The following PRKG1 variants were observed in gnomAD, a reference collection of about 807,000 sequenced individuals.
PRKG1 encodes cGMP-dependent protein kinase 1.
PRKG1 carries 35 observed loss-of-function variants against 88.1 expected under a neutral mutation model. The observed-to-expected ratio is 0.40, with a 90% CI of 0.30 to 0.53. The LOEUF (loss-of-function observed/expected upper bound fraction) is 0.53. Ranked by LOEUF, PRKG1 falls within the 20% of genes least tolerant of loss-of-function variation. The pLI is 0.59. For missense variants in PRKG1, 540 were observed against 839.8 expected, an observed-to-expected ratio of 0.64 and a Z score of 4.41; for synonymous variants, 303 against 292.5, an observed-to-expected ratio of 1.04 and a Z score of -0.37.
intron 1 of PRKG1, among the ~76,000 whole-genome samples, chr10:51,103,247 G>T (rs1226980601): frequency 6.6e-6 from 1 of 152,088 alleles, no homozygotes; most frequent in African/African-American, 2.4e-5. Flanking sequence ...TCCCAGAATT[G>T]AAGGACAATG....
chr10:51,852,298 C>T (rs1057017421), intron 4 of PRKG1, among the ~76,000 whole-genome samples: 3 of 149,458 alleles, frequency 2.0e-5, no homozygotes, highest in Non-Finnish European at 3.0e-5. Context: ...ACTGTTTTTT[C>T]TCCAACAGGT....
intron 2 of PRKG1, among the ~76,000 whole-genome samples, chr10:51,355,278 T>G (rs1158111663): frequency 6.6e-6 from 1 of 152,074 alleles, no homozygotes; most frequent in Non-Finnish European, 1.5e-5. Flanking sequence ...TTATTCCTTC[T>G]TTGACAACAC....
intron 3 of PRKG1, among the ~76,000 whole-genome samples, chr10:51,491,282 C>T (rs950748607): frequency 2.6e-5 from 4 of 152,102 alleles, no homozygotes; most frequent in South Asian, 4.1e-4. Flanking sequence ...CTTCAAAAAA[C>T]TTTCCAACCA....
rs1841335153 is a variant in PRKG1, at chr10:52,257,439, G to C, written c.1173+5773G>C. On this transcript the variant is annotated intron_variant, in intron 10 of 17. Transcript: ENST00000373980. The stretch of plus-strand genomic sequence containing the variant: ...AAAGGTGAGCAACTTAACTCCAAAG[G>C]GAAACCCCATGTAAGATGAAAACAT... 1.4e-5 allele frequency among the ~76,000 whole-genome samples: 2 copies of C among 139,956 alleles called. 1 individual carries two copies. The highest frequency in any genetic ancestry group is 1.5e-4 in the Admixed American group (2 of 13,430). The allele number at this position is 139,956 out of a possible 152,430, so 91.8% of individuals were successfully genotyped here. A position where few individuals can be genotyped will look rare whatever the true frequency, so the allele number is the denominator to read the frequency against.
At chr10:51,778,565 ATAATTT>A (rs1347023238) in intron 3 of PRKG1, among the ~76,000 whole-genome samples, 1 of 152,238 alleles carries the variant, frequency 6.6e-6, no homozygotes, top group Non-Finnish European at 1.5e-5. Context: ...AGAAGAGAAC[ATAATTT>A]TAAAGAGTGA....
chr10:52,289,308 CA>C (rs1842188525), intron 16 of PRKG1, among the ~76,000 whole-genome samples: 1 of 151,972 alleles, frequency 6.6e-6, no homozygotes, highest in Admixed American at 6.6e-5. Flanking sequence ...CACAGAATTA[CA>C]AATAAAAGTC....
chr10:51,815,507 G>A (rs1321821414), intron 4 of PRKG1, among the ~76,000 whole-genome samples: 1 of 152,042 alleles, frequency 6.6e-6, no homozygotes, highest in African/African-American at 2.4e-5. Context: ...ATAGAGAATC[G>A]GAAGTGGGAA....
chr10:52,008,467 A>G (rs553762660), intron 5 of PRKG1, among the ~76,000 whole-genome samples: 1 of 152,248 alleles, frequency 6.6e-6, no homozygotes, highest in Admixed American at 6.5e-5. Flanking sequence ...ACAGAAATAC[A>G]GAAGAACCAT....
intron 6 of PRKG1, among the ~76,000 whole-genome samples, chr10:52,058,626 G>A (rs187501676): frequency 5.3e-4 from 81 of 151,830 alleles, no homozygotes; most frequent in African/African-American, 1.9e-3. Flanking sequence ...CCAAAACAGG[G>A]GAACCTTGAC....
intron 2 of PRKG1, among the ~76,000 whole-genome samples, chr10:51,350,578 G>A (rs922381013): frequency 7.2e-5 from 11 of 152,152 alleles, no homozygotes. Context: ...GTCTTAGCGA[G>A]AGAGATCAGA....
At chr10:51,279,320 C>A (rs1589308137) in intron 2 of PRKG1, among the ~76,000 whole-genome samples, 1 of 152,144 alleles carries the variant, frequency 6.6e-6, no homozygotes, top group South Asian at 2.1e-4. Flanking sequence ...GTCTGAGAGA[C>A]AGTTTGTTAT....
intron 5 of PRKG1, among the ~76,000 whole-genome samples, chr10:51,955,486 T>G (rs1260659773): frequency 6.6e-6 from 1 of 152,174 alleles, no homozygotes; most frequent in East Asian, 1.9e-4. Context: ...ATTCTAAAAA[T>G]CAATTTCTTA....
chr10:51,122,120 C>T (rs1845274316), intron 1 of PRKG1, among the ~76,000 whole-genome samples: 1 of 152,188 alleles, frequency 6.6e-6, no homozygotes, highest in Non-Finnish European at 1.5e-5. Flanking sequence ...AACAAACTAG[C>T]AGCTCTCTAT....
At position 51,144,102 on chromosome 10, in the gene PRKG1, G is replaced by C. The variant is rs181744619; in HGVS notation, c.312-9062G>C. Among the ~76,000 whole-genome samples the C allele has an allele frequency of 9.9e-5, 15 of 152,014 alleles. 1 individual carries two copies. The highest frequency in any genetic ancestry group is 3.6e-4 in the African/African-American group (15 of 41,500). ...TTCCTCTAGTAGCTTCATAGTTTTTGGTCTTGCATTTAAGTCTTTAATCCA... is the reference window on the plus strand; with the variant it reads ...TTCCTCTAGTAGCTTCATAGTTTTTCGTCTTGCATTTAAGTCTTTAATCCA... On this transcript the variant is annotated intron_variant, in intron 1 of 17. Transcript: ENST00000373980.
chr10:52,037,910 C>T (rs182086724), intron 5 of PRKG1, among the ~76,000 whole-genome samples: 2,185 of 148,216 alleles, frequency 0.015, 48 homozygotes, highest in African/African-American at 0.05. Flanking sequence ...AGGGGACAGG[C>T]GGGAGGGAAA....
intron 7 of PRKG1, among the ~76,000 whole-genome samples, chr10:52,071,133 TC>T (rs2133285738): frequency 6.8e-6 from 1 of 146,808 alleles, no homozygotes; most frequent in South Asian, 2.3e-4. Context: ...TTTTTTCTTT[TC>T]CTTTATTTAT....
At chr10:51,190,000 T>C (rs941880344) in intron 2 of PRKG1, among the ~76,000 whole-genome samples, 12 of 151,910 alleles carry the variant, frequency 7.9e-5, no homozygotes, top group Non-Finnish European at 1.5e-4. Context: ...TCCGACTCTT[T>C]GTCCAGTAAC....
rs564054644 is a variant in PRKG1 at position 51,949,482 on chromosome 10, T to A, written c.762+41912T>A. Among the ~76,000 whole-genome samples, 6 of 151,292 alleles carry A rather than the reference T, an allele frequency of 4.0e-5. No individual in the cohort carries two copies. The East Asian group carries it at 1.2e-3, about 29-fold the overall frequency. ...TAAATATATATATATATAAATAAAA[T>A]TTGGTTTAGATTGGTACAATAGAGT... On this transcript the variant is annotated intron_variant, in intron 5 of 17. Transcript: ENST00000373980.
chr10:51,751,140 C>G (rs1316038261), intron 3 of PRKG1, among the ~76,000 whole-genome samples: 1 of 152,222 alleles, frequency 6.6e-6, no homozygotes, highest in Non-Finnish European at 1.5e-5. Context: ...TCCTCAGGGA[C>G]ACTTTCTCTA....
Sources: allele counts gnomAD v4.1 joint callset (sites outside exome capture counted in the v4.1 genomes callset), GRCh38; gene constraint gnomAD v4.1.1; transcripts MANE v1.5; gene names NCBI Gene and HGNC (gene_info 2026-07-23, HGNC 2026-07-21).